SMARCA5: variants seen among roughly 807,000 people sequenced by gnomAD.
SMARCA5 encodes SWI/SNF-related matrix-associated actin-dependent regulator of chromatin subfamily A member 5.
A neutral mutation model predicts 140.4 loss-of-function variants in SMARCA5; 18 were observed. The ratio of observed to expected loss-of-function variants is 0.13; its 90% CI spans 0.09 to 0.19. SMARCA5 has a LOEUF of 0.19. Among genes scored for constraint, SMARCA5 ranks in the 10% least tolerant of loss-of-function variants. The pLI, the probability that SMARCA5 is intolerant of heterozygous loss-of-function variation, is 1.00. For synonymous variants in SMARCA5, 449 were observed against 419.6 expected (o/e 1.07, Z -0.86); for missense variants, 606 against 1,276.8 (o/e 0.47, Z 8.01).
rs1419195619 is a variant in SMARCA5 at position 143,521,415 on chromosome 4, T to A, written c.253-14T>A. ...ATACTCTGATAAAATGTATCTTAAA[T>A]TTTTTTTTTTCAGCAAACTGACCGG... is the stretch of plus-strand genomic sequence containing the variant. On this transcript the variant is annotated splice_polypyrimidine_tract_variant and intron_variant, in intron 2 of 23. Transcript: ENST00000283131. 3.9e-6 allele frequency: 5 copies of A among 1,267,822 alleles called. No homozygotes were observed. In the African/African-American group the frequency reaches 4.6e-5, roughly 12 times the overall value. 78.5% of individuals were successfully genotyped at this position (1,267,822 alleles called of 1,614,324 possible). A position where few individuals can be genotyped will look rare whatever the true frequency, so the allele number is the denominator to read the frequency against.
intron 17 of SMARCA5, among the ~76,000 whole-genome samples, chr4:143,545,224 A>C (rs1248338217): frequency 1.3e-5 from 2 of 152,178 alleles, no homozygotes; most frequent in Non-Finnish European, 2.9e-5. Context: ...TACAGGCGTG[A>C]GCCACTGCCT....
intron 5 of SMARCA5, among the ~76,000 whole-genome samples, 192 bp from the exon 6 acceptor site, chr4:143,526,089 A>G (rs554828518): frequency 6.3e-4 from 96 of 152,260 alleles, no homozygotes; most frequent in Middle Eastern, 3.4e-3. Context: ...TGATAATAAT[A>G]CCTCCTTTAG....
Position 143,530,367 on chromosome 4 carries a change from C to A in SMARCA5, c.1090-91C>A, listed in dbSNP as rs1007434902. ...TTTTTGTGGGTTACAATTCAAATTA[C>A]TAATTCTAGAAATCATTTCTATATC... On this transcript the variant is annotated intron_variant, in intron 8 of 23. Transcript: ENST00000283131. 2.1e-5 allele frequency: 16 copies of A among 757,078 alleles called. No individual in the cohort carries two copies. In the African/African-American group the frequency reaches 2.5e-4, roughly 12 times the overall value. 46.9% of individuals were successfully genotyped at this position (757,078 alleles called of 1,614,324 possible).
At position 143,517,358 on chromosome 4, in the gene SMARCA5, A is replaced by T. The variant is rs1206455896; in HGVS notation, c.181A>T (p.Ile61Leu). 3.7e-6 allele frequency: 6 copies of T among 1,604,046 alleles called. No homozygotes were observed. The highest frequency in any genetic ancestry group is 1.7e-5 in the Admixed American group (1 of 58,574). The change falls in exon 2 of 24, where the codon ATA (isoleucine) becomes TTA (leucine). Residue 61 changes from isoleucine (I) to leucine (L), a missense_variant. This residue lies in a region of SMARCA5 where 164 missense variants were observed against 128.4 expected (regional missense o/e 1.28). Coordinates refer to ENST00000283131, the MANE Select transcript of SMARCA5 (RefSeq NM_003601.4). ...TTTAATTATTTCTTTCTACCAGGAAATATTTGATGATGCGTCACCTGGAAA... is the reference window on the plus strand; with the variant it reads ...TTTAATTATTTCTTTCTACCAGGAATTATTTGATGATGCGTCACCTGGAAA... ...AGPADAEMEE[I>L]FDDASPGKQK...
chr4:143,529,441 T>C (rs549791343), intron 8 of SMARCA5, among the ~76,000 whole-genome samples: 70 of 152,294 alleles, frequency 4.6e-4, no homozygotes, highest in South Asian at 2.7e-3. Context: ...TCAAATTTAG[T>C]GAAATCTGTC....
rs558303803 is a variant in SMARCA5, at chr4:143,515,359, T to A, written c.177+1258T>A. Among the ~76,000 whole-genome samples, 752 of 152,282 alleles carry A rather than the reference T, an allele frequency of 4.9e-3. 2 individuals carry two copies. Among genetic ancestry groups the A allele is most frequent in the Non-Finnish European group, 7.9e-3 (539 of 68,018 alleles). On this transcript the variant is annotated intron_variant, in intron 1 of 23. Coordinates refer to ENST00000283131, the MANE Select transcript of SMARCA5 (RefSeq NM_003601.4). ...TTTTGAGTGATTAAGATAAGATTAC[T>A]TCCAAATTAAAATATATTCAGTGTT... is the stretch of plus-strand genomic sequence containing the variant.
chr4:143,547,359 T>C, intron 20 of SMARCA5, 26 bp from the exon 21 acceptor site: 1 of 1,118,970 alleles, frequency 8.9e-7, no homozygotes. Context: ...TATAAATGAT[T>C]TGTTTACTTT....
rs1485768642 is a variant in SMARCA5 at position 143,544,951 on chromosome 4, T to C, written c.2283+104T>C. ...TGATAATTAGATTTTGTGTTTCTTTTTTTTTTTTTTTTTTGAGACAGAGTC... is the reference window on the plus strand; with the variant it reads ...TGATAATTAGATTTTGTGTTTCTTTCTTTTTTTTTTTTTTGAGACAGAGTC... On this transcript the variant is annotated intron_variant, in intron 17 of 23. Coordinates refer to ENST00000283131, the MANE Select transcript of SMARCA5 (RefSeq NM_003601.4). The C allele has an allele frequency of 2.9e-5, 12 of 418,502 alleles. No individual in the cohort carries two copies. In the East Asian group the frequency reaches 4.1e-4, roughly 14 times the overall value. The allele number at this position is 418,502 out of a possible 1,614,324, so 25.9% of individuals were successfully genotyped here.
chr4:143,554,973 C>T lies in SMARCA5; in HGVS notation c.*1789C>T. ...GAAAAAAAAGCATGAACCAGCTAGG[C>T]CCTGCCACCACTGTGTTTGGCCAAG... is the stretch of plus-strand genomic sequence containing the variant. On this transcript the variant is annotated 3_prime_UTR_variant, in exon 24 of 24. Transcript: ENST00000283131. 4.5e-6 allele frequency: 2 copies of T among 445,304 alleles called. No homozygotes were observed. The highest frequency in any genetic ancestry group is 8.6e-6 in the Non-Finnish European group (2 of 233,852). The allele number at this position is 445,304 out of a possible 1,614,324, so 27.6% of individuals were successfully genotyped here.
At chr4:143,533,070 T>C (rs35167802) in intron 9 of SMARCA5, among the ~76,000 whole-genome samples, 32,092 of 152,174 alleles carry the variant, frequency 0.21, 3,389 homozygotes, top group South Asian at 0.29. Context: ...AAAAAGGGTA[T>C]CTTTAGTTGT....
chr4:143,523,847 A>C (rs1233504202), intron 3 of SMARCA5, among the ~76,000 whole-genome samples: 1 of 152,214 alleles, frequency 6.6e-6, no homozygotes, highest in African/African-American at 2.4e-5. Context: ...GCAGTATTAA[A>C]ACTTTAGAAA....
At chr4:143,543,772 A>T (rs778946241) in intron 15 of SMARCA5, 81 bp from the exon 16 acceptor site, 1 of 1,518,728 alleles carries the variant, frequency 6.6e-7, no homozygotes. Flanking sequence ...GCTTTTGTGT[A>T]CGTGAAGTTA....
intron 11 of SMARCA5, among the ~76,000 whole-genome samples, chr4:143,538,315 A>G (rs1385873981): frequency 6.6e-6 from 1 of 152,210 alleles, no homozygotes; most frequent in African/African-American, 2.4e-5. Context: ...ATGGGGTAAC[A>G]AGATAATGAT....
chr4:143,549,490 A>G (rs1377284009), intron 22 of SMARCA5, among the ~76,000 whole-genome samples: 2 of 152,146 alleles, frequency 1.3e-5, no homozygotes, highest in Non-Finnish European at 2.9e-5. Flanking sequence ...GAGATGAGGT[A>G]GAACTCATCG....
intron 23 of SMARCA5, 46 bp from the exon 24 acceptor site, chr4:143,553,073 T>C: frequency 1.4e-6 from 2 of 1,401,096 alleles, no homozygotes; most frequent in Non-Finnish European, 2.0e-6. Flanking sequence ...CTATATTTCA[T>C]GTTTATATTA....
rs533236760 is a variant in SMARCA5, at chr4:143,550,576, A to G, written c.3093+472A>G. ...TTATTTGTATCCATTAGCCAGCCCC[A>G]CTTTCCCCCACCCCCACTGCCTTTC... On this transcript the variant is annotated intron_variant, in intron 23 of 23. Transcript: ENST00000283131. Among the ~76,000 whole-genome samples, 55 of 151,804 alleles carry G rather than the reference A, an allele frequency of 3.6e-4. No individual in the cohort carries two copies. The South Asian group carries it at 7.3e-3, about 20-fold the overall frequency.
Position 143,548,653 on chromosome 4 carries a change from A to G in SMARCA5, c.2985+513A>G, listed in dbSNP as rs572674034. Among the ~76,000 whole-genome samples the G allele has an allele frequency of 5.7e-3, 869 of 152,194 alleles. 11 individuals are homozygous for G. The highest frequency in any genetic ancestry group is 0.02 in the African/African-American group (831 of 41,554). On this transcript the variant is annotated intron_variant, in intron 22 of 23. Transcript: ENST00000283131. Reference sequence around the variant, plus strand: ...ATAGCCCCATTTCTAATAACCTAAAATTTGAATTCAGAAAAGTTTAACTTT... The same window carrying G: ...ATAGCCCCATTTCTAATAACCTAAAGTTTGAATTCAGAAAAGTTTAACTTT...
intron 12 of SMARCA5, 24 bp from the exon 13 acceptor site, chr4:143,538,762 A>G (rs767708004): frequency 1.2e-6 from 2 of 1,613,206 alleles, no homozygotes; most frequent in East Asian, 2.2e-5. Context: ...AAATTTTTTG[A>G]CAACCATTTT....
At chr4:143,539,716 A>G (rs1039151433) in intron 13 of SMARCA5, among the ~76,000 whole-genome samples, 2 of 151,818 alleles carry the variant, frequency 1.3e-5, no homozygotes, top group African/African-American at 2.4e-5. Flanking sequence ...TTGTATTTTT[A>G]GTAGAGATGG....
Sources: gnomAD v4.1 joint callset for allele counts (sites outside exome capture counted in the v4.1 genomes callset) on GRCh38, gnomAD v4.1.1 for gene constraint, gnomAD v4.1.1 regional missense constraint, MANE v1.5 for transcripts, NCBI Gene and HGNC (gene_info 2026-07-23, HGNC 2026-07-21) for gene names.